ADCYAP1R1: variants seen among roughly 807,000 people sequenced by gnomAD.
ADCYAP1R1 encodes pituitary adenylate cyclase-activating polypeptide type I receptor.
A neutral mutation model predicts 67.6 loss-of-function variants in ADCYAP1R1; 44 were observed. That is an observed-to-expected ratio of 0.65 (90% confidence interval 0.51 to 0.84). ADCYAP1R1 has a LOEUF of 0.84. Ranked by LOEUF, ADCYAP1R1 falls within the 40% of genes least tolerant of loss-of-function variation. The probability of loss-of-function intolerance (pLI) is 0.00; values close to 1 mark genes in which losing one functional copy is unlikely to be tolerated. For missense variants in ADCYAP1R1, 477 were observed against 587.9 expected, an observed-to-expected ratio of 0.81 and a Z score of 1.95; for synonymous variants, 222 against 219.6, an observed-to-expected ratio of 1.01 and a Z score of -0.10.
intron 1 of ADCYAP1R1, among the ~76,000 whole-genome samples, chr7:31,058,744 C>T (rs1184279540): frequency 6.6e-6 from 1 of 152,136 alleles, no homozygotes; most frequent in Non-Finnish European, 1.5e-5. Context: ...GTGGGGGTCC[C>T]TACTAGGGTA....
intron 3 of ADCYAP1R1, among the ~76,000 whole-genome samples, chr7:31,069,054 TC>T (rs982434527): frequency 6.6e-6 from 1 of 150,600 alleles, no homozygotes; most frequent in Admixed American, 6.5e-5. Flanking sequence ...CAGACCAAAG[TC>T]CTCAGCATTT....
chr7:31,074,029 C>T (rs908395525), intron 3 of ADCYAP1R1, among the ~76,000 whole-genome samples: 23 of 152,148 alleles, frequency 1.5e-4, no homozygotes, highest in African/African-American at 5.5e-4. Flanking sequence ...TTAGCAGATG[C>T]CCTTTAGGCA....
At position 31,085,334 on chromosome 7, in the gene ADCYAP1R1, C is replaced by T; in HGVS notation, c.561C>T (p.Phe187=). ...GGAAGCTGCACTGCACACGCAACTT[C>T]ATCCACATGAACCTGTTTGTGTCGT... ...RFRKLHCTRN[F]IHMNLFVSFM... is the part of the protein sequence containing the mutation. Residue 187 remains phenylalanine, a synonymous_variant, in exon 9 of 16, where the codon TTC becomes TTT. Coordinates refer to ENST00000304166, the MANE Select transcript of ADCYAP1R1 (RefSeq NM_001118.5). The T allele has an allele frequency of 6.2e-7, 1 of 1,614,042 alleles. No individual in the cohort carries two copies. Among genetic ancestry groups the T allele is most frequent in the South Asian group, 1.1e-5 (1 of 91,074 alleles).
At chr7:31,088,734 A>G (rs1795848723) in intron 12 of ADCYAP1R1, among the ~76,000 whole-genome samples, 1 of 152,174 alleles carries the variant, frequency 6.6e-6, no homozygotes, top group African/African-American at 2.4e-5. Flanking sequence ...GTCCATTCCC[A>G]TGGCAGATGC....
chr7:31,066,701 A>G (rs552509060), intron 3 of ADCYAP1R1, among the ~76,000 whole-genome samples: 1 of 152,242 alleles, frequency 6.6e-6, no homozygotes, highest in East Asian at 1.9e-4. Flanking sequence ...TGGGTCTGTC[A>G]TAGTCACCAT....
intron 3 of ADCYAP1R1, among the ~76,000 whole-genome samples, chr7:31,069,605 T>C (rs1318280847): frequency 6.6e-6 from 1 of 152,212 alleles, no homozygotes; most frequent in Non-Finnish European, 1.5e-5. Context: ...ACTGTGTGTG[T>C]GGCTGGGGGG....
Position 31,086,865 on chromosome 7 carries a change from C to T in ADCYAP1R1, c.824-78C>T, listed in dbSNP as rs549556002. ...GTCTCATGGGGGAGCAATAGCCTCT[C>T]GGAGCCCCAGGTCTACGGTGGACAT... is the stretch of plus-strand genomic sequence containing the variant. On this transcript the variant is annotated intron_variant, in intron 10 of 15. Coordinates refer to ENST00000304166, the MANE Select transcript of ADCYAP1R1 (RefSeq NM_001118.5). This position sits in a 1 kb window ranked among gnomAD's most constrained non-coding sequence, Gnocchi z 5.0. The T allele has an allele frequency of 8.1e-6, 12 of 1,474,094 alleles. No individual in the cohort carries two copies. Among genetic ancestry groups the T allele is most frequent in the East Asian group, 2.3e-5 (1 of 44,158 alleles). The allele number at this position is 1,474,094 out of a possible 1,614,324, so 91.3% of individuals were successfully genotyped here.
rs1160303781 is a variant in ADCYAP1R1, at chr7:31,106,960, C to T, written c.*276C>T. On this transcript the variant is annotated 3_prime_UTR_variant, in exon 16 of 16. Transcript: ENST00000304166. ...TTGTCCCATCCCTTCCCCCTTTGCC[C>T]CAGTGTCCCTGCTCACTTCCAGTCA... The T allele has an allele frequency of 4.7e-6, 2 of 426,320 alleles. No homozygotes were observed. The highest frequency in any genetic ancestry group is 4.1e-5 in the African/African-American group (2 of 48,742). 26.4% of individuals were successfully genotyped at this position (426,320 alleles called of 1,614,324 possible). A position where few individuals can be genotyped will look rare whatever the true frequency, so the allele number is the denominator to read the frequency against.
intron 5 of ADCYAP1R1, among the ~76,000 whole-genome samples, chr7:31,081,194 A>G (rs1003521055): frequency 6.6e-6 from 1 of 152,134 alleles, no homozygotes; most frequent in Non-Finnish European, 1.5e-5. Context: ...GGGGTTTGGC[A>G]TAAGAAAAGG....
At position 31,085,290 on chromosome 7, in the gene ADCYAP1R1, C is replaced by A. The variant is rs1468449648; in HGVS notation, c.537-20C>A. ...GCTGTGGGGTCCAAGGCTTCTTTCTCCCCTGGCCCACTCATGTAGGAAGCT... is the reference window on the plus strand; with the variant it reads ...GCTGTGGGGTCCAAGGCTTCTTTCTACCCTGGCCCACTCATGTAGGAAGCT... On this transcript the variant is annotated intron_variant, in intron 8 of 15. Coordinates refer to ENST00000304166, the MANE Select transcript of ADCYAP1R1 (RefSeq NM_001118.5). 2 of 1,609,590 alleles carry A rather than the reference C, an allele frequency of 1.2e-6. No individual in the cohort carries two copies. Among genetic ancestry groups the A allele is most frequent in the East Asian group, 2.2e-5 (1 of 44,866 alleles).
chr7:31,110,219 A>G lies in ADCYAP1R1; in HGVS notation c.*3535A>G, dbSNP rs943314097. On this transcript the variant is annotated 3_prime_UTR_variant, in exon 16 of 16. Transcript: ENST00000304166. ...GAAGCCAGCAAAGTGATAATACTTT[A>G]TCATTTAGTATTATCATAAAGTATT... 1 of 148,050 alleles carries G rather than the reference A, an allele frequency of 6.8e-6. No homozygotes were observed. The highest frequency in any genetic ancestry group is 1.5e-5 in the Non-Finnish European group (1 of 67,570). 9.2% of individuals were successfully genotyped at this position (148,050 alleles called of 1,614,324 possible).
At chr7:31,074,890 A>G (rs1795142489) in intron 3 of ADCYAP1R1, among the ~76,000 whole-genome samples, 1 of 152,200 alleles carries the variant, frequency 6.6e-6, no homozygotes, top group Non-Finnish European at 1.5e-5. Flanking sequence ...CTGGTTCCCA[A>G]ACTCTGTCTT....
chr7:31,086,821 G>T lies in ADCYAP1R1; in HGVS notation c.824-122G>T. 1 of 1,117,188 alleles carries T rather than the reference G, an allele frequency of 9.0e-7. No individual in the cohort carries two copies. The highest frequency in any genetic ancestry group is 1.4e-6 in the Non-Finnish European group (1 of 739,276). The allele number at this position is 1,117,188 out of a possible 1,614,324, so 69.2% of individuals were successfully genotyped here. ...GAGGCCTGGGTGTGAGGGACAGTTA[G>T]AATTCCCAGGAATTCCAAGTCTCAT... On this transcript the variant is annotated intron_variant, in intron 10 of 15. Coordinates refer to ENST00000304166, the MANE Select transcript of ADCYAP1R1 (RefSeq NM_001118.5). This position sits in a 1 kb window ranked among gnomAD's most constrained non-coding sequence, Gnocchi z 5.0.
chr7:31,105,840 C>T (rs977602304), intron 15 of ADCYAP1R1, among the ~76,000 whole-genome samples: 2 of 152,140 alleles, frequency 1.3e-5, no homozygotes, highest in African/African-American at 2.4e-5. Flanking sequence ...TGGGTGTAGG[C>T]GCTGCTTCCA....
At chr7:31,058,078 C>T (rs962770021) in intron 1 of ADCYAP1R1, among the ~76,000 whole-genome samples, 3 of 152,234 alleles carry the variant, frequency 2.0e-5, no homozygotes, top group Admixed American at 6.5e-5. Flanking sequence ...AACTGTGCTG[C>T]TCTGGGCTGG....
At position 31,086,715 on chromosome 7, in the gene ADCYAP1R1, A is replaced by G. The variant is rs1795758676; in HGVS notation, c.823+178A>G. Among the ~76,000 whole-genome samples the G allele has an allele frequency of 6.6e-6, 1 of 152,164 alleles. No individual in the cohort carries two copies. The highest frequency in any genetic ancestry group is 2.1e-4 in the South Asian group (1 of 4,822). On this transcript the variant is annotated intron_variant, in intron 10 of 15. Transcript: ENST00000304166. This position sits in a 1 kb window ranked among gnomAD's most constrained non-coding sequence, Gnocchi z 5.0. ...CAATCTTCTTGCCTGTGGAAAGCCC[A>G]CTATCTCAGGGAGGAGTTAAATCCA... is the stretch of plus-strand genomic sequence containing the variant.
chr7:31,106,540 C>A lies in ADCYAP1R1; in HGVS notation c.1263C>A (p.Asn421Lys). ...IKRKWRSWKV[N>K]RYFAVDFKHR... ...GAAAATGGCGAAGCTGGAAGGTGAA[C>A]CGTTACTTCGCTGTGGACTTCAAGC... is the stretch of plus-strand genomic sequence containing the variant. Residue 421 changes from asparagine to lysine, a missense_variant, in exon 16 of 16, where the codon AAC becomes AAA. Transcript: ENST00000304166. 2 of 1,613,424 alleles carry A rather than the reference C, an allele frequency of 1.2e-6. No individual in the cohort carries two copies. The highest frequency in any genetic ancestry group is 1.7e-5 in the Admixed American group (1 of 59,950).
intron 1 of ADCYAP1R1, among the ~76,000 whole-genome samples, chr7:31,056,172 T>C (rs1794232719): frequency 6.6e-6 from 1 of 152,122 alleles, no homozygotes; most frequent in South Asian, 2.1e-4. Flanking sequence ...AGGGGCTCCT[T>C]ATCTCAGGGC....
rs1795348963 is a variant in ADCYAP1R1, at chr7:31,078,025, G to T, written c.192G>T (p.Trp64Cys). The T allele has an allele frequency of 1.2e-6, 2 of 1,612,942 alleles. No homozygotes were observed. The highest frequency in any genetic ancestry group is 1.7e-6 in the Non-Finnish European group (2 of 1,179,428). The change falls in exon 4 of 16, where the codon TGG becomes TGT. Residue 64 changes from tryptophan (W) to cysteine (C), a missense_variant. Coordinates refer to ENST00000304166, the MANE Select transcript of ADCYAP1R1 (RefSeq NM_001118.5). ...CPGMWDNITC[W>C]KPAHVGEMVL... ...GGATGTGGGACAACATCACGTGTTG[G>T]AAGCCCGCCCATGTGGGTGAGATGG...
Sources: gnomAD v4.1 joint callset for allele counts (sites outside exome capture counted in the v4.1 genomes callset) on GRCh38, gnomAD v4.1.1 for gene constraint, Gnocchi (gnomAD v3.1) non-coding constraint, MANE v1.5 for transcripts, NCBI Gene and HGNC (gene_info 2026-07-23, HGNC 2026-07-21) for gene names.